Variants in SLC35F1 observed in about 807,000 individuals in gnomAD.
SLC35F1 encodes the protein chromosome 6 open reading frame 169.
A neutral mutation model predicts 48.7 loss-of-function variants in SLC35F1; 14 were observed. That is an observed-to-expected ratio of 0.29 (90% CI 0.19 to 0.45). The LOEUF (loss-of-function observed/expected upper bound fraction) is 0.45, where lower values mean the gene tolerates loss of function less well. SLC35F1 is among the 20% of genes least tolerant of loss of function. The pLI is 1.00. For missense variants in SLC35F1, 404 were observed against 500.0 expected (o/e 0.81, Z 1.83); for synonymous variants, 190 against 202.2 (o/e 0.94, Z 0.51).
chr6:118,090,360 G>A (rs935302625), intron 1 of SLC35F1, among the ~76,000 whole-genome samples: 15 of 152,158 alleles, frequency 9.9e-5, no homozygotes, highest in East Asian at 3.8e-4. Context: ...AGCATATGTC[G>A]TGGTGGGAGG....
chr6:117,947,497 G>A (rs1471744692), intron 1 of SLC35F1, among the ~76,000 whole-genome samples: 1 of 152,162 alleles, frequency 6.6e-6, no homozygotes, highest in Non-Finnish European at 1.5e-5. Context: ...CTGCTGTAAA[G>A]AAGAGACAGT....
intron 2 of SLC35F1, among the ~76,000 whole-genome samples, chr6:118,232,875 G>A (rs1396620299): frequency 6.6e-6 from 1 of 152,070 alleles, no homozygotes; most frequent in African/African-American, 2.4e-5. Flanking sequence ...AAAAGTCCTA[G>A]TTTTGATCCT....
chr6:118,238,441 TAA>T (rs1363087871), intron 3 of SLC35F1, among the ~76,000 whole-genome samples: 1 of 150,168 alleles, frequency 6.7e-6, no homozygotes, highest in African/African-American at 2.4e-5. Context: ...ATAATAATAA[TAA>T]TAATAATAAT....
chr6:118,062,251 G>A (rs1049987189), intron 1 of SLC35F1, among the ~76,000 whole-genome samples: 2 of 152,056 alleles, frequency 1.3e-5, no homozygotes, highest in African/African-American at 2.4e-5. Context: ...AGGGCTGATT[G>A]GCTATAATTT....
chr6:118,112,413 C>A (rs1773420625), intron 1 of SLC35F1, among the ~76,000 whole-genome samples: 1 of 152,100 alleles, frequency 6.6e-6, no homozygotes, highest in Admixed American at 6.5e-5. Flanking sequence ...TATATACAAG[C>A]ATTGTACCTA....
intron 2 of SLC35F1, among the ~76,000 whole-genome samples, chr6:118,192,993 A>G (rs991064810): frequency 6.6e-6 from 1 of 152,216 alleles, no homozygotes. Flanking sequence ...AATATTTTAA[A>G]AAGGCAAAAA....
intron 2 of SLC35F1, among the ~76,000 whole-genome samples, chr6:118,189,023 C>T (rs1774697839): frequency 6.6e-6 from 1 of 152,086 alleles, no homozygotes; most frequent in African/African-American, 2.4e-5. Flanking sequence ...GCAATCCTCC[C>T]ACCTCAACCT....
At chr6:117,963,366 A>G (rs1776521689) in intron 1 of SLC35F1, among the ~76,000 whole-genome samples, 1 of 149,708 alleles carries the variant, frequency 6.7e-6, no homozygotes, top group Non-Finnish European at 1.5e-5. Context: ...TTTTGGCTGC[A>G]TATCACTTTT....
At chr6:118,131,155 C>T (rs1373024058) in intron 1 of SLC35F1, among the ~76,000 whole-genome samples, 1 of 152,084 alleles carries the variant, frequency 6.6e-6, no homozygotes, top group Non-Finnish European at 1.5e-5. Flanking sequence ...AATTTCAAGT[C>T]ACTCCATGAT....
chr6:118,263,864 G>C (rs527786307), intron 3 of SLC35F1, among the ~76,000 whole-genome samples: 1 of 152,294 alleles, frequency 6.6e-6, no homozygotes, highest in Admixed American at 6.5e-5. Flanking sequence ...CACTAAAAAA[G>C]AATAGCCTGT....
chr6:117,998,135 A>G (rs1207797989), intron 1 of SLC35F1, among the ~76,000 whole-genome samples: 1 of 150,312 alleles, frequency 6.7e-6, no homozygotes, highest in Non-Finnish European at 1.5e-5. Flanking sequence ...CTATTCTCTG[A>G]TAAAACAGAC....
intron 1 of SLC35F1, among the ~76,000 whole-genome samples, chr6:118,029,398 T>C (rs541722065): frequency 6.6e-6 from 1 of 152,228 alleles, no homozygotes; most frequent in South Asian, 2.1e-4. Context: ...GAGACCATGT[T>C]CACATAACTT....
intron 2 of SLC35F1, among the ~76,000 whole-genome samples, chr6:118,228,874 G>A (rs12530285): frequency 0.019 from 2,872 of 151,918 alleles, 205 homozygotes; most frequent in East Asian, 0.18. Flanking sequence ...TTGTTCTGGC[G>A]TAAAAACACC....
chr6:118,298,761 A>T lies in SLC35F1; in HGVS notation c.1002+13423A>T, dbSNP rs563657191. On this transcript the variant is annotated intron_variant, in intron 7 of 7. Transcript: ENST00000360388. Reference sequence around the variant, plus strand: ...AGACTCTCCCTTGACTAACTTTTCAAAATTTATGCCATATGATTAAACCGC... The same window carrying T: ...AGACTCTCCCTTGACTAACTTTTCATAATTTATGCCATATGATTAAACCGC... Among the ~76,000 whole-genome samples, 17 of 152,260 alleles carry T rather than the reference A, an allele frequency of 1.1e-4. No homozygotes were observed. In the East Asian group the frequency reaches 3.1e-3, roughly 28 times the overall value.
At chr6:118,195,100 C>T (rs1284771413) in intron 2 of SLC35F1, among the ~76,000 whole-genome samples, 1 of 152,154 alleles carries the variant, frequency 6.6e-6, no homozygotes, top group Non-Finnish European at 1.5e-5. Flanking sequence ...CCGGTTGGGC[C>T]TTGTCATCTT....
chr6:117,908,260 G>C (rs1775720381), intron 1 of SLC35F1, among the ~76,000 whole-genome samples: 1 of 152,170 alleles, frequency 6.6e-6, no homozygotes, highest in African/African-American at 2.4e-5. Context: ...GGGTCGGGGG[G>C]ACGCGGGGAC....
intron 2 of SLC35F1, among the ~76,000 whole-genome samples, chr6:118,218,093 T>C (rs1775099016): frequency 6.6e-6 from 1 of 152,132 alleles, no homozygotes; most frequent in South Asian, 2.1e-4. Flanking sequence ...TAACATACCA[T>C]GGATGAGTCT....
At chr6:118,110,990 G>A (rs1196832134) in intron 1 of SLC35F1, among the ~76,000 whole-genome samples, 1 of 152,074 alleles carries the variant, frequency 6.6e-6, no homozygotes, top group Non-Finnish European at 1.5e-5. Flanking sequence ...TCCAGGGTAG[G>A]CCTTGTGAAG....
rs79799490 is a variant in SLC35F1 at position 118,181,412 on chromosome 6, C to T, written c.349+26792C>T. 4.7e-3 allele frequency among the ~76,000 whole-genome samples: 717 copies of T among 152,110 alleles called. 3 individuals carry two copies. Among genetic ancestry groups the T allele is most frequent in the African/African-American group, 0.016 (680 of 41,530 alleles). On this transcript the variant is annotated intron_variant, in intron 2 of 7. Coordinates refer to ENST00000360388, the MANE Select transcript of SLC35F1 (RefSeq NM_001029858.4). The stretch of plus-strand genomic sequence containing the variant: ...ATTAACTTTAAACACTGGAGTATTA[C>T]ATTTCTTAAGTAACCACTAAAAGAA...
Sources: allele counts gnomAD v4.1 joint callset (sites outside exome capture counted in the v4.1 genomes callset), GRCh38; gene constraint gnomAD v4.1.1; transcripts MANE v1.5; gene names NCBI Gene and HGNC (gene_info 2026-07-23, HGNC 2026-07-21).